The following ARHGEF3 variants were observed in gnomAD, a reference collection of about 807,000 sequenced individuals.
ARHGEF3 encodes the protein 59.8 kDA protein.
A neutral mutation model predicts 63.2 loss-of-function variants in ARHGEF3; 28 were observed. That is an observed-to-expected ratio of 0.44 (90% CI 0.33 to 0.61). The LOEUF is 0.61. Among genes scored for constraint, ARHGEF3 ranks in the 20% least tolerant of loss-of-function variants. ARHGEF3 has a pLI of 0.03. For missense variants in ARHGEF3, 533 were observed against 659.3 expected, an observed-to-expected ratio of 0.81 and a Z score of 2.10; for synonymous variants, 266 against 254.2, an observed-to-expected ratio of 1.05 and a Z score of -0.44.
chr3:56,892,204 C>T (rs1029669045), intron 3 of ARHGEF3, among the ~76,000 whole-genome samples: 16 of 152,080 alleles, frequency 1.1e-4, no homozygotes, highest in Non-Finnish European at 2.9e-5. Context: ...ACAGAAAACT[C>T]ATCTATCCAG....
intron 2 of ARHGEF3, among the ~76,000 whole-genome samples, chr3:57,024,069 C>A (rs1471024375): frequency 6.6e-6 from 1 of 152,020 alleles, no homozygotes; most frequent in Admixed American, 6.6e-5. Flanking sequence ...CCCAATGCAC[C>A]CTTCATACTC....
intron 3 of ARHGEF3, among the ~76,000 whole-genome samples, chr3:56,922,988 C>T (rs1013367367): frequency 1.0e-4 from 13 of 127,826 alleles, no homozygotes; most frequent in African/African-American, 3.4e-4. Context: ...GAGTTCAAGA[C>T]CAGCTTGGCC....
intron 2 of ARHGEF3, chr3:56,977,280 T>G (rs1701161892): frequency 2.2e-6 from 1 of 456,548 alleles, no homozygotes; most frequent in Non-Finnish European, 4.4e-6. Context: ...ACTTACCAAA[T>G]ATTTCTATCA....
At chr3:56,944,585 T>G (rs1024337438) in intron 3 of ARHGEF3, among the ~76,000 whole-genome samples, 5 of 146,162 alleles carry the variant, frequency 3.4e-5, no homozygotes, top group African/African-American at 1.0e-4. Context: ...TTTTTTTTTT[T>G]TTTTTTTGTG....
At chr3:56,766,088 C>T (rs2035689674) in intron 2 of ARHGEF3, among the ~76,000 whole-genome samples, 1 of 151,910 alleles carries the variant, frequency 6.6e-6, no homozygotes, top group African/African-American at 2.4e-5. Flanking sequence ...TGGTTTTGAA[C>T]TTTCCCCCAA....
chr3:57,029,272 A>T (rs2107199588), intron 2 of ARHGEF3, among the ~76,000 whole-genome samples: 1 of 152,268 alleles, frequency 6.6e-6, no homozygotes, highest in Non-Finnish European at 1.5e-5. Flanking sequence ...CTCTACTAAA[A>T]ATACAAAATT....
intron 5 of ARHGEF3, 65 bp downstream of exon 5, chr3:56,751,235 C>T (rs2034723036): frequency 6.5e-7 from 1 of 1,540,798 alleles, no homozygotes; most frequent in Middle Eastern, 1.7e-4. Context: ...AATAATCACT[C>T]ACTCATTATA....
At chr3:56,732,554 C>T in intron 8 of ARHGEF3, 130 bp from the exon 9 acceptor site, 1 of 1,091,052 alleles carries the variant, frequency 9.2e-7, no homozygotes, top group Non-Finnish European at 1.3e-6. Flanking sequence ...AGGTTCAAAT[C>T]TACCTCCAGG....
intron 2 of ARHGEF3, 21 bp downstream of exon 2, chr3:56,773,688 G>A: frequency 1.3e-6 from 2 of 1,548,292 alleles, no homozygotes; most frequent in Non-Finnish European, 8.7e-7. Context: ...TGCAACCACA[G>A]GCCCTGTGTG....
At chr3:56,739,396 CTTTTT>C (rs11309388) in intron 7 of ARHGEF3, among the ~76,000 whole-genome samples, 1 of 133,430 alleles carries the variant, frequency 7.5e-6, no homozygotes, top group Non-Finnish European at 1.6e-5. Context: ...AATTATTTTC[CTTTTT>C]TTTTTTTTTT....
intron 7 of ARHGEF3, among the ~76,000 whole-genome samples, chr3:56,744,720 A>G (rs2034271679): frequency 6.6e-6 from 1 of 151,928 alleles, no homozygotes; most frequent in Non-Finnish European, 1.5e-5. Context: ...CTCAACAAAC[A>G]TTTGCTGAGT....
intron 3 of ARHGEF3, among the ~76,000 whole-genome samples, chr3:56,949,644 T>C (rs1430008206): frequency 1.3e-5 from 2 of 151,998 alleles, no homozygotes; most frequent in Non-Finnish European, 2.9e-5. Context: ...CACAAACAAA[T>C]GGAAGAACAT....
chr3:56,967,971 A>C (rs1700664462), intron 2 of ARHGEF3, among the ~76,000 whole-genome samples: 1 of 66,728 alleles, frequency 1.5e-5, no homozygotes, highest in South Asian at 5.0e-4. Context: ...AATATATTTT[A>C]TATTATAGTT....
intron 3 of ARHGEF3, among the ~76,000 whole-genome samples, chr3:56,920,480 C>T (rs1015143867): frequency 2.6e-5 from 4 of 152,188 alleles, no homozygotes; most frequent in African/African-American, 7.2e-5. Context: ...TTATAAGGAA[C>T]ATACTCGTCA....
chr3:56,904,000 A>G (rs1410205751), intron 3 of ARHGEF3, among the ~76,000 whole-genome samples: 4 of 151,594 alleles, frequency 2.6e-5, no homozygotes, highest in Non-Finnish European at 5.9e-5. Context: ...AGTAGCTGGA[A>G]GCAGGTACAT....
chr3:56,768,950 G>A (rs1195653306), intron 2 of ARHGEF3, among the ~76,000 whole-genome samples: 1 of 152,204 alleles, frequency 6.6e-6, no homozygotes, highest in East Asian at 1.9e-4. Flanking sequence ...TAGACTGTGA[G>A]GAACCCAAAA....
At chr3:56,900,238 C>T (rs983762459) in intron 3 of ARHGEF3, among the ~76,000 whole-genome samples, 4 of 152,140 alleles carry the variant, frequency 2.6e-5, no homozygotes, top group African/African-American at 7.2e-5. Context: ...ATTTGGATCA[C>T]GAAAATCACC....
chr3:57,039,170 TCTC>T (rs1405615781), intron 1 of ARHGEF3, among the ~76,000 whole-genome samples: 20 of 152,294 alleles, frequency 1.3e-4, no homozygotes, highest in Admixed American at 1.3e-4. Context: ...CCCTCGTTCC[TCTC>T]CTCAGCTGGC....
At chr3:56,964,955 G>A (rs1482338238) in intron 2 of ARHGEF3, among the ~76,000 whole-genome samples, 3 of 152,290 alleles carry the variant, frequency 2.0e-5, no homozygotes, top group East Asian at 1.9e-4. Flanking sequence ...GTTATGAATA[G>A]GGTCACATAA....
Sources: allele counts gnomAD v4.1 joint callset (sites outside exome capture counted in the v4.1 genomes callset), GRCh38; gene constraint gnomAD v4.1.1; transcripts MANE v1.5; gene names NCBI Gene and HGNC (gene_info 2026-07-23, HGNC 2026-07-21).